Variants in USP49 observed in about 807,000 individuals in gnomAD.
USP49 encodes ubiquitin carboxyl-terminal hydrolase 49.
USP49 carries 24 observed loss-of-function variants against 58.6 expected under a neutral mutation model. That is an observed-to-expected ratio of 0.41 (90% CI 0.30 to 0.58). USP49 has a LOEUF of 0.58. Ranked by LOEUF, USP49 falls within the 20% of genes least tolerant of loss-of-function variation. The pLI, the probability that USP49 is intolerant of heterozygous loss-of-function variation, is 0.30. For synonymous variants in USP49, 408 were observed against 365.1 expected, an observed-to-expected ratio of 1.12 and a Z score of -1.34; for missense variants, 703 against 866.1, an observed-to-expected ratio of 0.81 and a Z score of 2.36.
intron 3 of USP49, among the ~76,000 whole-genome samples, chr6:41,837,395 C>T (rs915171717): frequency 1.3e-5 from 2 of 152,282 alleles, no homozygotes; most frequent in African/African-American, 4.8e-5. Context: ...GAATAACTGG[C>T]AAGCCATATG....
chr6:41,800,035 TTTCTCAGTATC>T, intron 5 of USP49, 97 bp from the exon 6 acceptor site: 1 of 1,102,322 alleles, frequency 9.1e-7, no homozygotes, highest in Non-Finnish European at 1.4e-6. Flanking sequence ...ATTCTCCATA[TTTCTCAGTATC>T]TGAACCTCAA....
At chr6:41,831,580 C>CAAAAAAAAAAAAAAAAAAA (rs57125790) in intron 3 of USP49, among the ~76,000 whole-genome samples, 1 of 114,294 alleles carries the variant, frequency 8.7e-6, no homozygotes. Flanking sequence ...AACTCCATCT[C>CAAAAAAAAAAAAAAAAAAA]AAAAAAAAAA....
chr6:41,870,854 C>T (rs1774401535), intron 3 of USP49, among the ~76,000 whole-genome samples: 1 of 151,970 alleles, frequency 6.6e-6, no homozygotes, highest in Non-Finnish European at 1.5e-5. Flanking sequence ...GAGTTTGAGA[C>T]CAGCCTGGCC....
intron 2 of USP49, chr6:41,872,928 T>G (rs1283253215): frequency 6.7e-6 from 1 of 150,274 alleles, no homozygotes; most frequent in South Asian, 2.1e-4. Flanking sequence ...AAAGAAAATA[T>G]GTTCCCATAA....
chr6:41,822,784 C>CA (rs1387278937), intron 3 of USP49, among the ~76,000 whole-genome samples: 2 of 151,492 alleles, frequency 1.3e-5, no homozygotes, highest in Non-Finnish European at 2.9e-5. Context: ...CACACCACTG[C>CA]ACTCAAGCCT....
intron 3 of USP49, among the ~76,000 whole-genome samples, chr6:41,844,387 A>G (rs1383805234): frequency 6.6e-6 from 1 of 151,008 alleles, no homozygotes; most frequent in Non-Finnish European, 1.5e-5. Context: ...GCACCATCTC[A>G]GCTCACTGCA....
chr6:41,838,495 G>A (rs1773765342), intron 3 of USP49, among the ~76,000 whole-genome samples: 1 of 152,146 alleles, frequency 6.6e-6, no homozygotes, highest in Admixed American at 6.6e-5. Flanking sequence ...TAGCTCCACT[G>A]GGTAGCTAGA....
chr6:41,863,031 C>T (rs1273288974), intron 3 of USP49, among the ~76,000 whole-genome samples: 1 of 152,138 alleles, frequency 6.6e-6, no homozygotes, highest in East Asian at 1.9e-4. Flanking sequence ...CCCATCTCAG[C>T]CTCCCAAAAT....
intron 3 of USP49, among the ~76,000 whole-genome samples, chr6:41,866,156 G>A (rs1007913434): frequency 2.0e-5 from 3 of 151,520 alleles, no homozygotes; most frequent in Admixed American, 6.6e-5. Context: ...TTCTGACCTC[G>A]TGATCCGCCC....
chr6:41,834,531 G>C (rs556406068), intron 3 of USP49, among the ~76,000 whole-genome samples: 60 of 152,290 alleles, frequency 3.9e-4, no homozygotes, highest in African/African-American at 1.4e-3. Context: ...GGCCTGGTGG[G>C]AGGTGACTGG....
At position 41,794,709 on chromosome 6, in the gene USP49, G is replaced by A. The variant is rs1297923671; in HGVS notation, c.*1824C>T. 1 of 152,218 alleles carries A rather than the reference G, an allele frequency of 6.6e-6. No homozygotes were observed. The highest frequency in any genetic ancestry group is 1.5e-5 in the Non-Finnish European group (1 of 68,052). The allele number at this position is 152,218 out of a possible 1,614,324, so 9.4% of individuals were successfully genotyped here. ...CCAGGAGAGGGTGAGCCCAGGCAAAGCTTATACAAAGAAGCCTGCAGTAGA... is the reference window on the plus strand; with the variant it reads ...CCAGGAGAGGGTGAGCCCAGGCAAAACTTATACAAAGAAGCCTGCAGTAGA... On this transcript the variant is annotated 3_prime_UTR_variant, in exon 8 of 8. Coordinates refer to ENST00000682992, the MANE Select transcript of USP49 (RefSeq NM_001286554.2).
rs1361724157 is a variant in USP49, at chr6:41,791,675, A to C, written c.*4858T>G. 1 of 152,236 alleles carries C rather than the reference A, an allele frequency of 6.6e-6. No homozygotes were observed. Among genetic ancestry groups the C allele is most frequent in the Non-Finnish European group, 1.5e-5 (1 of 68,048 alleles). 9.4% of individuals were successfully genotyped at this position (152,236 alleles called of 1,614,324 possible). A position where few individuals can be genotyped will look rare whatever the true frequency, so the allele number is the denominator to read the frequency against. ...ACGAAATATGCCAGCAGAAGTATGG[A>C]ATGAGTCCACAAAAATGAGTGCCTG... On this transcript the variant is annotated 3_prime_UTR_variant, in exon 8 of 8. Coordinates refer to ENST00000682992, the MANE Select transcript of USP49 (RefSeq NM_001286554.2).
rs1187256560 is a variant in USP49, at chr6:41,795,714, A to G, written c.*819T>C. 2 of 152,158 alleles carry G rather than the reference A, an allele frequency of 1.3e-5. No homozygotes were observed. The highest frequency in any genetic ancestry group is 1.3e-4 in the Admixed American group (2 of 15,280). 9.4% of individuals were successfully genotyped at this position (152,158 alleles called of 1,614,324 possible). On this transcript the variant is annotated 3_prime_UTR_variant, in exon 8 of 8. Coordinates refer to ENST00000682992, the MANE Select transcript of USP49 (RefSeq NM_001286554.2). ...CCTAAGAATCAATTTAAACCAAACC[A>G]TGTGCTTGCCCTAGACCTGAACCAG...
Position 41,806,998 on chromosome 6 carries a change from G to T in USP49, c.-15C>A, listed in dbSNP as rs762591509. 2 of 1,451,742 alleles carry T rather than the reference G, an allele frequency of 1.4e-6. No individual in the cohort carries two copies. The highest frequency in any genetic ancestry group is 1.8e-6 in the Non-Finnish European group (2 of 1,090,408). 89.9% of individuals were successfully genotyped at this position (1,451,742 alleles called of 1,614,324 possible). A position where few individuals can be genotyped will look rare whatever the true frequency, so the allele number is the denominator to read the frequency against. ...CATCTATCCATGTCTTATAGAAGTC[G>T]CCACTTTCTCAACCTGGCACGACAG... On this transcript the variant is annotated 5_prime_UTR_variant, in exon 4 of 8. Transcript: ENST00000682992. The surrounding 1 kb of genome is among the most constrained non-coding windows in gnomAD (Gnocchi z 5.9).
At chr6:41,858,895 G>A (rs1226202032) in intron 3 of USP49, among the ~76,000 whole-genome samples, 1 of 152,040 alleles carries the variant, frequency 6.6e-6, no homozygotes, top group Non-Finnish European at 1.5e-5. Context: ...CCCACTAGAC[G>A]ATAAGCTCCA....
chr6:41,874,970 AAGAG>A (rs1014925068), intron 2 of USP49, among the ~76,000 whole-genome samples: 1 of 151,654 alleles, frequency 6.6e-6, no homozygotes, highest in Admixed American at 6.6e-5. Flanking sequence ...TAAAAAAAGA[AAGAG>A]AGAGAGAGAG....
chr6:41,802,079 G>C (rs1773008753), intron 5 of USP49, among the ~76,000 whole-genome samples: 1 of 150,614 alleles, frequency 6.6e-6, no homozygotes, highest in Non-Finnish European at 1.5e-5. Context: ...ACCTGACTCT[G>C]TATCTCAAAA....
At chr6:41,861,891 G>A (rs1034867959) in intron 3 of USP49, among the ~76,000 whole-genome samples, 1 of 152,020 alleles carries the variant, frequency 6.6e-6, no homozygotes, top group South Asian at 2.1e-4. Context: ...AGTAGAGACG[G>A]GGTTTCACCA....
chr6:41,892,076 A>G (rs1367148132), intron 1 of USP49, among the ~76,000 whole-genome samples: 1 of 152,200 alleles, frequency 6.6e-6, no homozygotes, highest in Non-Finnish European at 1.5e-5. Flanking sequence ...CTCAATTTTT[A>G]AAAATCCATT....
Sources: gnomAD v4.1 joint callset for allele counts (sites outside exome capture counted in the v4.1 genomes callset) on GRCh38, gnomAD v4.1.1 for gene constraint, Gnocchi (gnomAD v3.1) non-coding constraint, MANE v1.5 for transcripts, NCBI Gene and HGNC (gene_info 2026-07-23, HGNC 2026-07-21) for gene names.